ERGIC2: variants seen among roughly 807,000 people sequenced by gnomAD.
ERGIC2 encodes the protein endoplasmic reticulum-Golgi intermediate compartment protein 2.
ERGIC2 carries 31 observed loss-of-function variants against 52.5 expected under a neutral mutation model. The ratio of observed to expected loss-of-function variants is 0.59; its 90% confidence interval spans 0.44 to 0.80. The LOEUF is 0.80. Ranked by LOEUF, ERGIC2 falls within the 30% of genes least tolerant of loss-of-function variation. ERGIC2 has a pLI of 0.00. For synonymous variants in ERGIC2, 129 were observed against 140.6 expected (o/e 0.92, Z 0.58); for missense variants, 395 against 455.2 (o/e 0.87, Z 1.20).
chr12:29,341,359 C>A (rs1257960088), intron 13 of ERGIC2, 141 bp from the exon 14 acceptor site: 13 of 677,382 alleles, frequency 1.9e-5, no homozygotes, highest in East Asian at 8.2e-5. Flanking sequence ...CCCCCTATTT[C>A]TCTATCTCTC....
At chr12:29,360,547 A>C (rs1285928768) in intron 6 of ERGIC2, among the ~76,000 whole-genome samples, 1 of 147,768 alleles carries the variant, frequency 6.8e-6, no homozygotes, top group Non-Finnish European at 1.5e-5. Flanking sequence ...ATAAACTTTT[A>C]TATATTATAA....
At chr12:29,359,173 C>T (rs914201939) in intron 6 of ERGIC2, among the ~76,000 whole-genome samples, 11 of 151,162 alleles carry the variant, frequency 7.3e-5, no homozygotes, top group Non-Finnish European at 1.3e-4. Context: ...AGAATCAGAA[C>T]GTGATAATCT....
At chr12:29,353,730 T>TTC (rs74309652) in intron 8 of ERGIC2, among the ~76,000 whole-genome samples, 4,966 of 106,174 alleles carry the variant, frequency 0.047, 111 homozygotes, top group East Asian at 0.11. Flanking sequence ...TATTTCCTTC[T>TTC]TTTTTTTTTT....
At chr12:29,360,904 TA>T (rs972710650) in intron 6 of ERGIC2, among the ~76,000 whole-genome samples, 22 of 147,192 alleles carry the variant, frequency 1.5e-4, no homozygotes, top group South Asian at 2.1e-4. Flanking sequence ...GCTGATCAGT[TA>T]AAAAAAAAAG....
chr12:29,359,081 G>GA (rs1165214506), intron 6 of ERGIC2, among the ~76,000 whole-genome samples: 2 of 151,848 alleles, frequency 1.3e-5, no homozygotes, highest in Non-Finnish European at 2.9e-5. Flanking sequence ...TAGAAGTAAA[G>GA]AACATTTTGG....
Position 29,337,742 on chromosome 12 carries a change from C to T in ERGIC2, c.*3414G>A, listed in dbSNP as rs928162907. On this transcript the variant is annotated 3_prime_UTR_variant, in exon 14 of 14. Transcript: ENST00000360150. ...AGCTCAGGTTTAAGTAACTTTTAAA[C>T]AATCAAAAATAGGCATTTTGAATTC... is the stretch of plus-strand genomic sequence containing the variant. 6.6e-6 allele frequency: 1 copy of T among 152,142 alleles called. No homozygotes were observed. The highest frequency in any genetic ancestry group is 6.5e-5 in the Admixed American group (1 of 15,276). 9.4% of individuals were successfully genotyped at this position (152,142 alleles called of 1,614,324 possible).
At chr12:29,365,802 C>T (rs999348965) in intron 5 of ERGIC2, among the ~76,000 whole-genome samples, 1 of 151,766 alleles carries the variant, frequency 6.6e-6, no homozygotes, top group Non-Finnish European at 1.5e-5. Context: ...AATATGCTGT[C>T]ATATATGAAT....
chr12:29,341,403 G>A (rs1399835801), intron 13 of ERGIC2, among the ~76,000 whole-genome samples, 185 bp from the exon 14 acceptor site: 1 of 104,792 alleles, frequency 9.5e-6, no homozygotes, highest in Non-Finnish European at 1.9e-5. Context: ...GGTCTGCTCT[G>A]TCACCCAGGC....
At chr12:29,353,144 T>G (rs370206332) in intron 8 of ERGIC2, among the ~76,000 whole-genome samples, 30 of 152,290 alleles carry the variant, frequency 2.0e-4, no homozygotes, top group African/African-American at 7.0e-4. Context: ...ATACAATGAT[T>G]AGGGAAATGT....
intron 8 of ERGIC2, among the ~76,000 whole-genome samples, chr12:29,355,960 T>C (rs1239872048): frequency 1.3e-5 from 2 of 152,174 alleles, no homozygotes; most frequent in African/African-American, 2.4e-5. Context: ...ATTAAAAATA[T>C]ATGTACACAA....
chr12:29,349,088 C>G lies in ERGIC2; in HGVS notation c.718G>C (p.Ala240Pro). The part of the protein sequence containing the change: ...INPLDGTEKI[A>P]IDHNQMFQYF... ...ATTATTAAATACTTACGATCTATAG[C>G]AATTTTTTCAGTTCCATCTAAAGGA... The change falls in exon 10 of 14, where the codon GCT (alanine) becomes CCT (proline). Residue 240 changes from alanine (A) to proline (P), a missense_variant. Coordinates refer to ENST00000360150, the MANE Select transcript of ERGIC2 (RefSeq NM_016570.3). 1 of 1,510,338 alleles carries G rather than the reference C, an allele frequency of 6.6e-7. No individual in the cohort carries two copies. Among genetic ancestry groups the G allele is most frequent in the Non-Finnish European group, 9.0e-7 (1 of 1,113,108 alleles). 93.6% of individuals were successfully genotyped at this position (1,510,338 alleles called of 1,614,324 possible).
chr12:29,341,021 T>A lies in ERGIC2; in HGVS notation c.*135A>T. The A allele has an allele frequency of 1.4e-6, 1 of 710,512 alleles. No individual in the cohort carries two copies. Among genetic ancestry groups the A allele is most frequent in the Non-Finnish European group, 2.4e-6 (1 of 417,382 alleles). 44.0% of individuals were successfully genotyped at this position (710,512 alleles called of 1,614,324 possible). On this transcript the variant is annotated 3_prime_UTR_variant, in exon 14 of 14. Transcript: ENST00000360150. Reference sequence around the variant, plus strand: ...TTCAGTTTGGGTTTTTTTATCCTTTTTTTTCTTTTTTAAAATAAGTATGTT... The same window carrying A: ...TTCAGTTTGGGTTTTTTTATCCTTTATTTTCTTTTTTAAAATAAGTATGTT...
chr12:29,371,810 A>G, intron 1 of ERGIC2, 140 bp from the exon 2 acceptor site: 1 of 527,128 alleles, frequency 1.9e-6, no homozygotes, highest in South Asian at 2.8e-5. Flanking sequence ...CATAGTATTT[A>G]TCCACACTAC....
chr12:29,366,129 T>C (rs1253529095), intron 5 of ERGIC2, among the ~76,000 whole-genome samples: 1 of 151,982 alleles, frequency 6.6e-6, no homozygotes. Context: ...TTGTCAATGA[T>C]TAAGAAAAGG....
At chr12:29,348,746 A>G (rs1489539314) in intron 10 of ERGIC2, among the ~76,000 whole-genome samples, 3 of 151,846 alleles carry the variant, frequency 2.0e-5, no homozygotes, top group Admixed American at 6.6e-5. Flanking sequence ...CCTTTTTTTC[A>G]TTCTTATTCT....
intron 8 of ERGIC2, 109 bp downstream of exon 8, chr12:29,356,273 T>G: frequency 1.5e-6 from 1 of 648,080 alleles, no homozygotes; most frequent in South Asian, 1.9e-5. Context: ...TCCACCCGCC[T>G]CAGCCTCCCA....
At chr12:29,353,512 AC>A (rs1207166627) in intron 8 of ERGIC2, among the ~76,000 whole-genome samples, 2 of 152,160 alleles carry the variant, frequency 1.3e-5, no homozygotes, top group Non-Finnish European at 2.9e-5. Flanking sequence ...GGCCTCCCTA[AC>A]CTGAAATCTG....
At chr12:29,373,136 G>C (rs1940467069) in intron 1 of ERGIC2, among the ~76,000 whole-genome samples, 1 of 152,068 alleles carries the variant, frequency 6.6e-6, no homozygotes, top group South Asian at 2.1e-4. Context: ...AGTAGATCAT[G>C]AATTTTAATT....
chr12:29,349,415 C>T (rs1257972444), intron 9 of ERGIC2, among the ~76,000 whole-genome samples: 1 of 151,802 alleles, frequency 6.6e-6, no homozygotes, highest in Non-Finnish European at 1.5e-5. Flanking sequence ...TAATTATATA[C>T]AATTTAACGT....
Sources: allele counts gnomAD v4.1 joint callset (sites outside exome capture counted in the v4.1 genomes callset), GRCh38; gene constraint gnomAD v4.1.1; transcripts MANE v1.5; gene names NCBI Gene and HGNC (gene_info 2026-07-23, HGNC 2026-07-21).